Variants in ZNF24 observed in about 807,000 individuals in gnomAD.
ZNF24 encodes the protein retinoic acid suppression protein A.
ZNF24 carries 11 observed loss-of-function variants against 40.9 expected under a neutral mutation model. The ratio of observed to expected loss-of-function variants is 0.27; its 90% confidence interval spans 0.17 to 0.45. The LOEUF (loss-of-function observed/expected upper bound fraction) is 0.45, where lower values mean the gene tolerates loss of function less well. Ranked by LOEUF, ZNF24 falls within the 20% of genes least tolerant of loss-of-function variation. ZNF24 has a pLI of 1.00. For synonymous variants in ZNF24, 139 were observed against 154.7 expected, an observed-to-expected ratio of 0.90 and a Z score of 0.75; for missense variants, 293 against 437.7, an observed-to-expected ratio of 0.67 and a Z score of 2.95.
rs1305891556 is a variant in ZNF24 at position 35,337,210 on chromosome 18, T to C, written c.*22A>G. 1 of 1,429,932 alleles carries C rather than the reference T, an allele frequency of 7.0e-7. No individual in the cohort carries two copies. The highest frequency in any genetic ancestry group is 2.3e-5 in the East Asian group (1 of 42,662). The allele number at this position is 1,429,932 out of a possible 1,614,324, so 88.6% of individuals were successfully genotyped here. A position where few individuals can be genotyped will look rare whatever the true frequency, so the allele number is the denominator to read the frequency against. ...CTGAAGAAAAAGACCTGAGTGCTGA[T>C]TCTTTTTTTTTTTTCAATTTCTTAA... On this transcript the variant is annotated 3_prime_UTR_variant, in exon 4 of 4. Transcript: ENST00000261332.
At position 35,337,788 on chromosome 18, in the gene ZNF24, T is replaced by C. The variant is rs760904117; in HGVS notation, c.569-18A>G. 1.3e-6 allele frequency: 2 copies of C among 1,527,214 alleles called. No individual in the cohort carries two copies. The highest frequency in any genetic ancestry group is 1.7e-6 in the Non-Finnish European group (2 of 1,146,448). The allele number at this position is 1,527,214 out of a possible 1,614,324, so 94.6% of individuals were successfully genotyped here. A position where few individuals can be genotyped will look rare whatever the true frequency, so the allele number is the denominator to read the frequency against. ...ATCATCATCTGAAATAAACAGAAAATGTAAATATCATTCATTATCTATTAA... is the reference window on the plus strand; with the variant it reads ...ATCATCATCTGAAATAAACAGAAAACGTAAATATCATTCATTATCTATTAA... On this transcript the variant is annotated intron_variant, in intron 3 of 3. Coordinates refer to ENST00000261332, the MANE Select transcript of ZNF24 (RefSeq NM_006965.4).
At chr18:35,343,744 C>T (rs999369331) in intron 1 of ZNF24, 9 of 152,234 alleles carry the variant, frequency 5.9e-5, no homozygotes, top group Admixed American at 5.9e-4. Flanking sequence ...TAGAGCATAC[C>T]GCTTGTGGGA....
rs2044876198 is a variant in ZNF24, at chr18:35,333,452, G to GT, written c.*3779dup. On this transcript the variant is annotated 3_prime_UTR_variant, in exon 4 of 4. Coordinates refer to ENST00000261332, the MANE Select transcript of ZNF24 (RefSeq NM_006965.4). ...AGGGTCTCTCTATTCAAAGAACTGT[G>GT]TTTTTTATACAATGAGAAGGTAGTC... The GT allele has an allele frequency of 6.6e-6, 1 of 152,016 alleles. No homozygotes were observed. The allele number at this position is 152,016 out of a possible 1,614,324, so 9.4% of individuals were successfully genotyped here. A position where few individuals can be genotyped will look rare whatever the true frequency, so the allele number is the denominator to read the frequency against.
At chr18:35,341,300 G>A (rs1282658947) in intron 1 of ZNF24, among the ~76,000 whole-genome samples, 2 of 152,188 alleles carry the variant, frequency 1.3e-5, no homozygotes, top group African/African-American at 4.8e-5. Context: ...TGACACTGTA[G>A]CTGTTGTAAG....
chr18:35,343,055 T>A (rs532493625), intron 1 of ZNF24, among the ~76,000 whole-genome samples: 1 of 152,302 alleles, frequency 6.6e-6, no homozygotes, highest in African/African-American at 2.4e-5. Flanking sequence ...CTTAAAAAAA[T>A]TTTCTTTACC....
In ZNF24 at chr18:35,340,339, T is replaced by C. The variant is rs765828607; in HGVS notation, c.312A>G (p.Leu104=). ...LVVLEQFVAI[L]PKELQTWVRD... is the part of the protein sequence containing the mutation. Reference sequence around the variant, plus strand: ...GAACCCAAGTCTGTAGCTCTTTGGGTAGGATGGCAACAAACTGCTCCAGCA... The same window carrying C: ...GAACCCAAGTCTGTAGCTCTTTGGGCAGGATGGCAACAAACTGCTCCAGCA... The change falls in exon 2 of 4, where the codon CTA becomes CTG. Residue 104 remains leucine, a synonymous_variant. Transcript: ENST00000261332. The surrounding 1 kb of genome is among the most constrained non-coding windows in gnomAD (Gnocchi z 4.6). 1.9e-6 allele frequency: 3 copies of C among 1,614,186 alleles called. No individual in the cohort carries two copies. Among genetic ancestry groups the C allele is most frequent in the Non-Finnish European group, 2.5e-6 (3 of 1,180,032 alleles).
intron 3 of ZNF24, chr18:35,338,856 G>C: frequency 7.5e-7 from 1 of 1,340,436 alleles, no homozygotes; most frequent in Non-Finnish European, 9.5e-7. Context: ...ATGAGAAGTT[G>C]AAAATATCAG....
rs1458603338 is a variant in ZNF24, at chr18:35,340,745, G to A, written c.-83-12C>T. The A allele has an allele frequency of 9.0e-7, 1 of 1,111,720 alleles. No homozygotes were observed. Among genetic ancestry groups the A allele is most frequent in the East Asian group, 2.5e-5 (1 of 40,050 alleles). The allele number at this position is 1,111,720 out of a possible 1,614,324, so 68.9% of individuals were successfully genotyped here. A position where few individuals can be genotyped will look rare whatever the true frequency, so the allele number is the denominator to read the frequency against. ...CTTCACAGGCACTCCTGAGGCATAA[G>A]AAATAAAAGATATATAAATAAGCAA... is the stretch of plus-strand genomic sequence containing the variant. On this transcript the variant is annotated splice_polypyrimidine_tract_variant and intron_variant, in intron 1 of 3. Transcript: ENST00000261332. This position sits in a 1 kb window ranked among gnomAD's most constrained non-coding sequence, Gnocchi z 4.6.
intron 1 of ZNF24, among the ~76,000 whole-genome samples, chr18:35,342,040 A>G (rs1271515252): frequency 2.6e-5 from 4 of 152,186 alleles, no homozygotes; most frequent in African/African-American, 9.6e-5. Context: ...TACTAAAAAT[A>G]CAAAAATTAG....
intron 1 of ZNF24, among the ~76,000 whole-genome samples, chr18:35,341,410 A>G (rs1473923637): frequency 6.6e-6 from 1 of 152,242 alleles, no homozygotes; most frequent in Non-Finnish European, 1.5e-5. Flanking sequence ...ATAAAACTTG[A>G]TAACAATAAT....
At chr18:35,339,091 A>G (rs2044940599) in intron 3 of ZNF24, 1 of 1,523,250 alleles carries the variant, frequency 6.6e-7, no homozygotes, top group African/African-American at 1.4e-5. Context: ...AGAGTCAAAC[A>G]AAATTTCATT....
chr18:35,339,068 T>C, intron 3 of ZNF24: 1 of 1,535,706 alleles, frequency 6.5e-7, no homozygotes, highest in Non-Finnish European at 8.7e-7. Flanking sequence ...CTTCAAGGAA[T>C]GATTACTAAA....
Position 35,333,233 on chromosome 18 carries a change from A to G in ZNF24, c.*3999T>C, listed in dbSNP as rs888933682. ...AATAATGGCATTTTCATAGTATTTA[A>G]TCATATTCAACCATTAAAGAAATTT... On this transcript the variant is annotated 3_prime_UTR_variant, in exon 4 of 4. Coordinates refer to ENST00000261332, the MANE Select transcript of ZNF24 (RefSeq NM_006965.4). The G allele has an allele frequency of 6.6e-6, 1 of 152,238 alleles. No individual in the cohort carries two copies. 9.4% of individuals were successfully genotyped at this position (152,238 alleles called of 1,614,324 possible).
Position 35,335,006 on chromosome 18 carries a change from T to C in ZNF24, c.*2226A>G, listed in dbSNP as rs2044892025. The C allele has an allele frequency of 6.6e-6, 1 of 152,234 alleles. No individual in the cohort carries two copies. Among genetic ancestry groups the C allele is most frequent in the Non-Finnish European group, 1.5e-5 (1 of 68,038 alleles). The allele number at this position is 152,234 out of a possible 1,614,324, so 9.4% of individuals were successfully genotyped here. On this transcript the variant is annotated 3_prime_UTR_variant, in exon 4 of 4. Transcript: ENST00000261332. ...TTTTCTACACTCACATTACCAAATATCTTTGGCATTTATGACAAATCTACC... is the reference window on the plus strand; with the variant it reads ...TTTTCTACACTCACATTACCAAATACCTTTGGCATTTATGACAAATCTACC...
chr18:35,339,222 G>T lies in ZNF24; in HGVS notation c.568+607C>A, dbSNP rs1285328316. 3 of 536,228 alleles carry T rather than the reference G, an allele frequency of 5.6e-6. No homozygotes were observed. The Admixed American group carries it at 1.0e-4, about 19-fold the overall frequency. The allele number at this position is 536,228 out of a possible 1,614,324, so 33.2% of individuals were successfully genotyped here. ...ATATATTGGGAAAGACTGGTCTCGT[G>T]AATTAATACAACTTTGAGCTTTTAA... is the stretch of plus-strand genomic sequence containing the variant. On this transcript the variant is annotated intron_variant, in intron 3 of 3. Transcript: ENST00000261332.
Position 35,336,002 on chromosome 18 carries a change from C to A in ZNF24, c.*1230G>T, listed in dbSNP as rs555873658. The A allele has an allele frequency of 6.6e-6, 1 of 152,382 alleles. No homozygotes were observed. Among genetic ancestry groups the A allele is most frequent in the Non-Finnish European group, 1.5e-5 (1 of 68,028 alleles). The allele number at this position is 152,382 out of a possible 1,614,324, so 9.4% of individuals were successfully genotyped here. On this transcript the variant is annotated 3_prime_UTR_variant, in exon 4 of 4. Coordinates refer to ENST00000261332, the MANE Select transcript of ZNF24 (RefSeq NM_006965.4). ...TTTTGAGCCGAGTCCTCCTCCCCCT[C>A]CAAATACAACACCCTGGTAAAAAAA...
intron 3 of ZNF24, 64 bp from the exon 4 acceptor site, chr18:35,337,834 A>AT: frequency 6.8e-7 from 1 of 1,460,794 alleles, no homozygotes; most frequent in Non-Finnish European, 9.1e-7. Flanking sequence ...ACCTAAAAAA[A>AT]ATTTTTTTTT....
intron 1 of ZNF24, among the ~76,000 whole-genome samples, chr18:35,341,305 TG>T (rs1391073933): frequency 6.6e-6 from 1 of 152,232 alleles, no homozygotes; most frequent in Non-Finnish European, 1.5e-5. Context: ...CTGTAGCTGT[TG>T]TAAGGTCAAT....
chr18:35,344,037 C>T (rs1455933895), intron 1 of ZNF24: 1 of 152,282 alleles, frequency 6.6e-6, no homozygotes, highest in Admixed American at 6.5e-5. Flanking sequence ...CTACCACCCC[C>T]TCCCATCACG....
Sources: gnomAD v4.1 joint callset for allele counts (sites outside exome capture counted in the v4.1 genomes callset) on GRCh38, gnomAD v4.1.1 for gene constraint, Gnocchi (gnomAD v3.1) non-coding constraint, MANE v1.5 for transcripts, NCBI Gene and HGNC (gene_info 2026-07-23, HGNC 2026-07-21) for gene names.